Variants in TENM1 observed in about 807,000 individuals in gnomAD.
TENM1 encodes teneurin-1.
Under a neutral mutation model 174.8 loss-of-function variants are expected in TENM1, and 35 were observed. The ratio of observed to expected loss-of-function variants is 0.20; its 90% CI spans 0.15 to 0.27. TENM1 has a LOEUF of 0.27. Ranked by LOEUF, TENM1 falls within the 10% of genes least tolerant of loss-of-function variation. The pLI, the probability that TENM1 is intolerant of heterozygous loss-of-function variation, is 1.00. For synonymous variants in TENM1, 781 were observed against 798.7 expected, an observed-to-expected ratio of 0.98 and a Z score of 0.37; for missense variants, 1,633 against 2,130.1, an observed-to-expected ratio of 0.77 and a Z score of 4.59.
chrX:125,094,678 G>A, the TENM1 span, among the ~76,000 whole-genome samples: 2 of 111,837 alleles, frequency 1.8e-5, no homozygotes, highest in Non-Finnish European at 3.8e-5. Context: ...GATATGTTTT[G>A]GGTTCTATTG....
intron 1 of TENM1, among the ~76,000 whole-genome samples, chrX:124,902,649 T>C (rs1326513375): frequency 8.9e-6 from 1 of 112,386 alleles, no homozygotes; most frequent in Non-Finnish European, 1.9e-5. Flanking sequence ...TTTCTATTTC[T>C]CAGTTTGAGG....
At chrX:124,474,849 G>A (rs1208610071) in intron 22 of TENM1, among the ~76,000 whole-genome samples, 1 of 112,333 alleles carries the variant, frequency 8.9e-6, no homozygotes, top group Non-Finnish European at 1.9e-5. Context: ...TGCAGTTACA[G>A]TAAGCTGAGA....
At chrX:124,885,683 C>A (rs1300561352) in intron 3 of TENM1, among the ~76,000 whole-genome samples, 1 of 110,193 alleles carries the variant, frequency 9.1e-6, no homozygotes, top group African/African-American at 3.3e-5. Context: ...AGGATTTTTT[C>A]CTGTTTTTCA....
Position 124,921,016 on chromosome X carries a change from C to A in TENM1, c.218-24775G>T, listed in dbSNP as rs184495262. On this transcript the variant is annotated intron_variant, in intron 1 of 31. Coordinates refer to ENST00000422452, the Ensembl canonical transcript of TENM1. ...ACTTTTTTTTTTTTTTTTTTAAAGA[C>A]CTTACCTCTAGTTTCCCCTAAATCT... is the stretch of plus-strand genomic sequence containing the variant. 4.1e-3 allele frequency among the ~76,000 whole-genome samples: 414 copies of A among 100,328 alleles called. 3 individuals are homozygous for A. Among genetic ancestry groups the A allele is most frequent in the African/African-American group, 0.013 (350 of 27,332 alleles). The allele number at this position is 100,328 out of a possible 115,157, so 87.1% of individuals were successfully genotyped here.
chrX:125,070,923 C>T, the TENM1 span, among the ~76,000 whole-genome samples: 10 of 111,695 alleles, frequency 9.0e-5, no homozygotes, highest in African/African-American at 3.2e-4. Context: ...GAACAGATAA[C>T]CTTTTGGGTT....
chrX:125,133,914 G>T, the TENM1 span, among the ~76,000 whole-genome samples: 28 of 111,948 alleles, frequency 2.5e-4, no homozygotes, highest in Non-Finnish European at 5.1e-4. Context: ...AAAGCCTATT[G>T]CCCTTAGGGA....
the TENM1 span, among the ~76,000 whole-genome samples, chrX:125,201,423 A>G: frequency 1.8e-5 from 2 of 112,397 alleles, no homozygotes; most frequent in Non-Finnish European, 3.8e-5. Flanking sequence ...CTTTAGCCTC[A>G]CTGTATATTT....
intron 21 of TENM1, among the ~76,000 whole-genome samples, chrX:124,485,754 G>A (rs2046939251): frequency 9.0e-6 from 1 of 111,695 alleles, no homozygotes; most frequent in Non-Finnish European, 1.9e-5. Flanking sequence ...GACACATAGG[G>A]AGCTTGTCCG....
chrX:124,530,751 T>G (rs2048086633), intron 15 of TENM1, among the ~76,000 whole-genome samples: 1 of 112,231 alleles, frequency 8.9e-6, no homozygotes, highest in South Asian at 3.7e-4. Flanking sequence ...TTAAATAAAA[T>G]ATTTCAAGAC....
At chrX:125,104,152 C>G in the TENM1 span, among the ~76,000 whole-genome samples, 1 of 111,939 alleles carries the variant, frequency 8.9e-6, no homozygotes, top group Non-Finnish European at 1.9e-5. Context: ...GGGTCTGAAT[C>G]TTTAATCTGC....
intron 11 of TENM1, among the ~76,000 whole-genome samples, chrX:124,628,363 C>T (rs761508536): frequency 2.7e-4 from 30 of 110,852 alleles, no homozygotes; most frequent in South Asian, 3.8e-4. Flanking sequence ...ATAATGTGAG[C>T]CTTAAGTGCA....
chrX:125,081,728 A>G, the TENM1 span, among the ~76,000 whole-genome samples: 2 of 111,728 alleles, frequency 1.8e-5, no homozygotes, highest in African/African-American at 3.2e-5. Flanking sequence ...AATAGCAAAC[A>G]TAGGGAATTA....
intron 1 of TENM1, among the ~76,000 whole-genome samples, chrX:124,915,832 T>C (rs749523882): frequency 2.7e-5 from 3 of 112,174 alleles, no homozygotes; most frequent in South Asian, 3.7e-4. Flanking sequence ...GAGAAAATAC[T>C]GGAAAAAAGA....
At chrX:124,540,654 AG>A (rs1235864027) in intron 15 of TENM1, among the ~76,000 whole-genome samples, 1 of 112,035 alleles carries the variant, frequency 8.9e-6, no homozygotes, top group African/African-American at 3.2e-5. Context: ...GGCTGTCACC[AG>A]GTATCATGAC....
chrX:124,404,222 T>C (rs145717570), intron 27 of TENM1, among the ~76,000 whole-genome samples: 1 of 111,736 alleles, frequency 8.9e-6, no homozygotes, highest in Non-Finnish European at 1.9e-5. Flanking sequence ...CTGGCCTCAA[T>C]AGTGAGTGAT....
intron 1 of TENM1, among the ~76,000 whole-genome samples, chrX:124,945,905 GCTGAAGCTTGAT>G (rs1396747645): frequency 8.9e-6 from 1 of 112,206 alleles, no homozygotes; most frequent in Non-Finnish European, 1.9e-5. Context: ...GCTGAGAGCA[GCTGAAGCTTGAT>G]CTTACAGGGC....
At chrX:125,169,987 T>C in the TENM1 span, among the ~76,000 whole-genome samples, 1 of 111,798 alleles carries the variant, frequency 8.9e-6, no homozygotes, top group Admixed American at 9.5e-5. Flanking sequence ...CATGAAGTGT[T>C]ATCAGTGATT....
chrX:124,558,398 T>C (rs1426131890), intron 14 of TENM1, among the ~76,000 whole-genome samples: 1 of 111,794 alleles, frequency 8.9e-6, no homozygotes, highest in Admixed American at 9.5e-5. Context: ...AAAGTGATTT[T>C]TTTTGATTGG....
rs184762835 is a variant in TENM1 at position 124,547,080 on chromosome X, G to A, written c.2445C>T (p.Thr815=). Reference sequence around the variant, plus strand: ...GACAACAGTCAGGATCCACACAGTCGGTTAAACCATCTGGAAATAAAACCC... The same window carrying A: ...GACAACAGTCAGGATCCACACAGTCAGTTAAACCATCTGGAAATAAAACCC... Residue 815 remains threonine, a synonymous_variant, in exon 15 of 32, where the codon ACC becomes ACT. Transcript: ENST00000422452. 3.1e-5 allele frequency: 37 copies of A among 1,203,759 alleles called. No homozygotes were observed. The Middle Eastern group carries it at 9.2e-4, about 30-fold the overall frequency.
Sources: allele counts gnomAD v4.1 joint callset (sites outside exome capture counted in the v4.1 genomes callset), GRCh38; gene constraint gnomAD v4.1.1; transcripts MANE v1.5; gene names NCBI Gene and HGNC (gene_info 2026-07-23, HGNC 2026-07-21).